SASS6: variants seen among roughly 807,000 people sequenced by gnomAD.
The protein encoded by SASS6 is SAS-6 centriolar assembly protein, also known as spindle assembly abnormal protein 6 homolog.
Under a neutral mutation model 94.9 loss-of-function variants are expected in SASS6, and 59 were observed. That is an observed-to-expected ratio of 0.62 (90% CI 0.50 to 0.77). The LOEUF (loss-of-function observed/expected upper bound fraction) is 0.77. Ranked by LOEUF, SASS6 falls within the 30% of genes least tolerant of loss-of-function variation. The pLI is 0.00. For missense variants in SASS6, 698 were observed against 734.1 expected (o/e 0.95, Z 0.57); for synonymous variants, 264 against 270.0 (o/e 0.98, Z 0.22).
Position 100,085,238 on chromosome 1 carries a change from T to C in SASS6, c.*90A>G. 1 of 825,506 alleles carries C rather than the reference T, an allele frequency of 1.2e-6. No homozygotes were observed. Among genetic ancestry groups the C allele is most frequent in the Non-Finnish European group, 2.1e-6 (1 of 478,218 alleles). 51.1% of individuals were successfully genotyped at this position (825,506 alleles called of 1,614,324 possible). A position where few individuals can be genotyped will look rare whatever the true frequency, so the allele number is the denominator to read the frequency against. ...TAACAGCTCAAGTAAAATTTGAAAC[T>C]TGCTATTTGAGGATCTGGTTTGTGT... On this transcript the variant is annotated 3_prime_UTR_variant, in exon 17 of 17. Transcript: ENST00000287482.
At chr1:100,121,048 T>C (rs1362348263) in intron 5 of SASS6, among the ~76,000 whole-genome samples, 1 of 100,246 alleles carries the variant, frequency 1.0e-5, no homozygotes, top group African/African-American at 4.0e-5. Context: ...AGACTCCGTC[T>C]CAAAAAAAAA....
At chr1:100,111,163 C>T (rs1338082102) in intron 7 of SASS6, among the ~76,000 whole-genome samples, 1 of 151,914 alleles carries the variant, frequency 6.6e-6, no homozygotes, top group Admixed American at 6.6e-5. Flanking sequence ...CATGCTCTTA[C>T]AGGCAAAAAG....
At chr1:100,121,651 A>G (rs1654208572) in intron 4 of SASS6, 102 bp from the exon 5 acceptor site, 1 of 661,242 alleles carries the variant, frequency 1.5e-6, no homozygotes, top group South Asian at 1.8e-5. Flanking sequence ...GAAAGGGAGC[A>G]CATTGAGGAC....
At chr1:100,088,597 G>C (rs1651469315) in intron 14 of SASS6, among the ~76,000 whole-genome samples, 1 of 152,002 alleles carries the variant, frequency 6.6e-6, no homozygotes, top group Non-Finnish European at 1.5e-5. Flanking sequence ...GGGTGAATTA[G>C]TTCTATATTG....
At chr1:100,112,493 A>G (rs1183453250) in intron 7 of SASS6, among the ~76,000 whole-genome samples, 2 of 152,180 alleles carry the variant, frequency 1.3e-5, no homozygotes, top group Non-Finnish European at 2.9e-5. Flanking sequence ...TGGAGGTATA[A>G]AGAAAACATG....
chr1:100,100,421 C>T (rs1165336460), intron 14 of SASS6, among the ~76,000 whole-genome samples: 1 of 152,200 alleles, frequency 6.6e-6, no homozygotes, highest in Non-Finnish European at 1.5e-5. Flanking sequence ...TAAAACTATG[C>T]CTGGCCACAG....
intron 7 of SASS6, among the ~76,000 whole-genome samples, chr1:100,115,167 T>TA (rs1653684891): frequency 6.6e-6 from 1 of 152,172 alleles, no homozygotes; most frequent in Non-Finnish European, 1.5e-5. Context: ...CTGGAAAACC[T>TA]AAGAGAATCA....
intron 1 of SASS6, among the ~76,000 whole-genome samples, chr1:100,132,461 G>A (rs1655132048): frequency 6.6e-6 from 1 of 152,066 alleles, no homozygotes; most frequent in Admixed American, 6.5e-5. Flanking sequence ...CTGTCAAAAG[G>A]GAAGAGTAGG....
intron 6 of SASS6, among the ~76,000 whole-genome samples, chr1:100,119,908 A>G (rs1462572475): frequency 6.6e-6 from 1 of 152,358 alleles, no homozygotes; most frequent in South Asian, 2.1e-4. Context: ...TAGTTCTTTA[A>G]AGCAAAGCAA....
chr1:100,102,186 T>TG (rs1220624551), intron 14 of SASS6, among the ~76,000 whole-genome samples: 4 of 152,168 alleles, frequency 2.6e-5, no homozygotes, highest in African/African-American at 7.2e-5. Flanking sequence ...TATCAAGGGT[T>TG]GGGGGGATTG....
At chr1:100,123,148 A>G in intron 3 of SASS6, 62 bp downstream of exon 3, 1 of 703,658 alleles carries the variant, frequency 1.4e-6, no homozygotes, top group East Asian at 2.7e-5. Flanking sequence ...AGAGAACAGT[A>G]CCAATAAAAC....
In SASS6 at chr1:100,123,077, T is replaced by C. The variant is rs614931; in HGVS notation, c.206+133A>G. The C allele has an allele frequency of 3.5e-3, 1,741 of 496,696 alleles. 30 individuals are homozygous for C. The highest frequency in any genetic ancestry group is 0.033 in the African/African-American group (1,593 of 48,882). The allele number at this position is 496,696 out of a possible 1,614,324, so 30.8% of individuals were successfully genotyped here. On this transcript the variant is annotated intron_variant, in intron 3 of 16. Coordinates refer to ENST00000287482, the MANE Select transcript of SASS6 (RefSeq NM_194292.3). ...TTTTCCAAAACACCCTAAGTAAAGA[T>C]AGTACAAATAGCCCAATATTCCCAA...
chr1:100,110,458 T>C lies in SASS6; in HGVS notation c.695A>G (p.His232Arg). 1 of 1,607,296 alleles carries C rather than the reference T, an allele frequency of 6.2e-7. No homozygotes were observed. Among genetic ancestry groups the C allele is most frequent in the South Asian group, 1.1e-5 (1 of 90,118 alleles). ...LQAQVQYQQQ[H>R]EQQKKDLEIL... ...TTCTAAATCTTTTTTCTGTTGTTCA[T>C]GCTGCTGTTGATATTGAACCTGTGC... The change falls in exon 8 of 17, where the codon CAT (histidine) becomes CGT (arginine). Residue 232 changes from histidine to arginine, a missense_variant. His to Arg is a conservative substitution (Grantham distance 29). Coordinates refer to ENST00000287482, the MANE Select transcript of SASS6 (RefSeq NM_194292.3).
rs1380787294 is a variant in SASS6 at position 100,108,155 on chromosome 1, T to C, written c.862-151A>G. On this transcript the variant is annotated intron_variant, in intron 8 of 16. Coordinates refer to ENST00000287482, the MANE Select transcript of SASS6 (RefSeq NM_194292.3). ...ATTTTTTTTTAAAAGCATAAATGTC[T>C]TTCTAATGGTATAGTAGCATATATC... is the stretch of plus-strand genomic sequence containing the variant. 1.4e-5 allele frequency: 7 copies of C among 497,766 alleles called. No homozygotes were observed. The South Asian group carries it at 2.3e-4, about 16-fold the overall frequency. The allele number at this position is 497,766 out of a possible 1,614,324, so 30.8% of individuals were successfully genotyped here.
In SASS6 at chr1:100,093,780, G is replaced by GA. The variant is rs1261053767; in HGVS notation, c.1675-5545dup. ...TGTCTCAAAAACAAGAAAAGAAAAA[G>GA]AAAAAAAAATATTTTAAACTTAATG... On this transcript the variant is annotated intron_variant, in intron 14 of 16. Transcript: ENST00000287482. Among the ~76,000 whole-genome samples the GA allele has an allele frequency of 9.1e-4, 136 of 149,244 alleles. 1 individual carries two copies. In the East Asian group the frequency reaches 0.022, roughly 24 times the overall value.
intron 1 of SASS6, among the ~76,000 whole-genome samples, 165 bp downstream of exon 1, chr1:100,132,585 G>C (rs1655155257): frequency 6.6e-6 from 1 of 152,068 alleles, no homozygotes; most frequent in Non-Finnish European, 1.5e-5. Flanking sequence ...CGGCCGACTT[G>C]GTGAGAGAGG....
chr1:100,130,785 G>T (rs1009924241), intron 1 of SASS6, among the ~76,000 whole-genome samples: 2 of 151,972 alleles, frequency 1.3e-5, no homozygotes, highest in Non-Finnish European at 2.9e-5. Context: ...GGGCCAGATA[G>T]CAAATATTTT....
chr1:100,107,264 T>C (rs1205836549), intron 11 of SASS6, 110 bp downstream of exon 11: 2 of 706,496 alleles, frequency 2.8e-6, no homozygotes, highest in East Asian at 2.7e-5. Flanking sequence ...TCATGTTCTT[T>C]TGTTAAAAAA....
chr1:100,122,635 C>G (rs1654291873), intron 3 of SASS6, 151 bp from the exon 4 acceptor site: 1 of 397,350 alleles, frequency 2.5e-6, no homozygotes, highest in South Asian at 3.4e-5. Flanking sequence ...TCACTGCAAC[C>G]TCTGCCTCCC....
Sources: gnomAD v4.1 joint callset for allele counts (sites outside exome capture counted in the v4.1 genomes callset) on GRCh38, gnomAD v4.1.1 for gene constraint, MANE v1.5 for transcripts, NCBI Gene and HGNC (gene_info 2026-07-23, HGNC 2026-07-21) for gene names.